Variants in ELF1 observed in about 807,000 individuals in gnomAD.
The protein encoded by ELF1 is ETS-related transcription factor Elf-1.
A neutral mutation model predicts 59.9 loss-of-function variants in ELF1; 24 were observed. The ratio of observed to expected loss-of-function variants is 0.40; its 90% CI spans 0.29 to 0.56. The LOEUF (loss-of-function observed/expected upper bound fraction) is 0.56, where lower values mean the gene tolerates loss of function less well. Ranked by LOEUF, ELF1 falls within the 20% of genes least tolerant of loss-of-function variation. ELF1 has a pLI of 0.44. For synonymous variants in ELF1, 248 were observed against 266.2 expected (o/e 0.93, Z 0.67); for missense variants, 627 against 742.2 (o/e 0.84, Z 1.80).
intron 2 of ELF1, among the ~76,000 whole-genome samples, chr13:40,966,206 T>C (rs904772425): frequency 2.0e-5 from 3 of 152,192 alleles, no homozygotes; most frequent in Admixed American, 6.5e-5. Context: ...GGAACTAAAA[T>C]CTATCAAAGA....
chr13:40,934,416 C>T (rs1391895497), intron 8 of ELF1, among the ~76,000 whole-genome samples: 14 of 102,454 alleles, frequency 1.4e-4, no homozygotes, highest in Admixed American at 4.0e-4. Flanking sequence ...TTCATTCCTG[C>T]TTTTTTTTTT....
intron 8 of ELF1, among the ~76,000 whole-genome samples, chr13:40,938,000 A>G (rs1593347358): frequency 6.6e-6 from 1 of 151,486 alleles, no homozygotes; most frequent in East Asian, 2.0e-4. Flanking sequence ...TATTTTTAGT[A>G]GAGACGGGGT....
At chr13:41,013,005 A>G (rs969254751) in intron 1 of ELF1, among the ~76,000 whole-genome samples, 2 of 152,178 alleles carry the variant, frequency 1.3e-5, no homozygotes, top group African/African-American at 2.4e-5. Context: ...TATGTTTGAA[A>G]TAACTCTAGT....
chr13:40,954,912 G>A (rs1231004536), intron 3 of ELF1, among the ~76,000 whole-genome samples: 6 of 123,562 alleles, frequency 4.9e-5, no homozygotes, highest in African/African-American at 9.1e-5. Context: ...GCGGCCCATC[G>A]TCTGGGATGT....
At chr13:41,044,733 A>C in intron 1 of ELF1, among the ~76,000 whole-genome samples, 1 of 152,174 alleles carries the variant, frequency 6.6e-6, no homozygotes, top group Non-Finnish European at 1.5e-5. Context: ...GATGTTCATC[A>C]GGGATATTGA....
At chr13:41,017,067 C>A (rs1875449235) in intron 1 of ELF1, among the ~76,000 whole-genome samples, 1 of 142,490 alleles carries the variant, frequency 7.0e-6, no homozygotes, top group Non-Finnish European at 1.5e-5. Context: ...CCATCTAAAG[C>A]CATCTTAAAA....
chr13:41,034,756 G>A lies in ELF1; in HGVS notation c.-229+26082C>T, dbSNP rs757411365. ...ATTCAAGAATAATTTATTTTTAAAG[G>A]AATGTCTCAAATTCTACCCCTTAAT... is the stretch of plus-strand genomic sequence containing the variant. On this transcript the variant is annotated intron_variant, in intron 1 of 1. Coordinates refer to the ELF1 transcript ENST00000405737. Among the ~76,000 whole-genome samples the A allele has an allele frequency of 8.1e-4, 113 of 139,536 alleles. 1 individual carries two copies. Among genetic ancestry groups the A allele is most frequent in the Non-Finnish European group, 1.4e-3 (93 of 65,294 alleles). The allele number at this position is 139,536 out of a possible 152,430, so 91.5% of individuals were successfully genotyped here.
chr13:40,998,473 C>T (rs1874238357), intron 1 of ELF1, among the ~76,000 whole-genome samples: 2 of 152,156 alleles, frequency 1.3e-5, no homozygotes, highest in African/African-American at 4.8e-5. Flanking sequence ...TGTGTAGGTA[C>T]ATTCTGTGAT....
At chr13:41,046,111 A>T (rs1450798016) in intron 1 of ELF1, among the ~76,000 whole-genome samples, 1 of 151,866 alleles carries the variant, frequency 6.6e-6, no homozygotes, top group Non-Finnish European at 1.5e-5. Flanking sequence ...TACAACCCCT[A>T]CCTTTTTTTG....
At chr13:41,012,171 G>A (rs1184921519) in intron 1 of ELF1, among the ~76,000 whole-genome samples, 2 of 151,842 alleles carry the variant, frequency 1.3e-5, no homozygotes, top group Non-Finnish European at 2.9e-5. Flanking sequence ...AAATTAGCTA[G>A]GCGCCATGGT....
intron 2 of ELF1, among the ~76,000 whole-genome samples, chr13:40,974,524 G>T (rs1005006552): frequency 3.3e-5 from 5 of 152,126 alleles, no homozygotes; most frequent in African/African-American, 7.2e-5. Flanking sequence ...TAGGATTGTT[G>T]TAAGAATTAA....
In ELF1 at chr13:40,984,626, G is replaced by T. The variant is rs1278712298; in HGVS notation, c.-228-2344C>A. ...CTACAAATATCCTTTATTTAAAAAA[G>T]AATAACTGATATACTTCTGATAAAG... On this transcript the variant is annotated intron_variant, in intron 1 of 8. Transcript: ENST00000239882. 2.0e-5 allele frequency among the ~76,000 whole-genome samples: 3 copies of T among 151,978 alleles called. No homozygotes were observed. The East Asian group carries it at 5.8e-4, about 29-fold the overall frequency.
chr13:40,995,304 CT>C (rs1205822851), intron 1 of ELF1, among the ~76,000 whole-genome samples: 1 of 152,166 alleles, frequency 6.6e-6, no homozygotes, highest in Non-Finnish European at 1.5e-5. Flanking sequence ...CAATTAATGG[CT>C]TCCATCACCT....
intron 1 of ELF1, among the ~76,000 whole-genome samples, chr13:41,052,658 G>C (rs1196259877): frequency 3.3e-5 from 5 of 152,108 alleles, no homozygotes; most frequent in African/African-American, 1.2e-4. Flanking sequence ...AGAGGTTGCA[G>C]TGAGCCATGA....
At chr13:41,010,028 G>T in intron 1 of ELF1, among the ~76,000 whole-genome samples, 1 of 148,116 alleles carries the variant, frequency 6.8e-6, no homozygotes, top group East Asian at 2.0e-4. Flanking sequence ...CTTTAAAGGA[G>T]TCTTTTCTCA....
chr13:41,048,944 C>T (rs1773125332), intron 1 of ELF1, among the ~76,000 whole-genome samples: 1 of 152,120 alleles, frequency 6.6e-6, no homozygotes, highest in South Asian at 2.1e-4. Flanking sequence ...CCTATTATGC[C>T]ACTAAATCTA....
chr13:40,981,587 C>T (rs1593377417), intron 2 of ELF1, among the ~76,000 whole-genome samples: 2 of 152,124 alleles, frequency 1.3e-5, no homozygotes, highest in East Asian at 1.9e-4. Context: ...ATTATGGGAC[C>T]GCTAACGTTG....
At chr13:41,054,889 C>G (rs1877229687) in intron 1 of ELF1, among the ~76,000 whole-genome samples, 1 of 152,184 alleles carries the variant, frequency 6.6e-6, no homozygotes, top group Admixed American at 6.5e-5. Context: ...ATCTCTTTTC[C>G]TAACTAAACT....
intron 1 of ELF1, among the ~76,000 whole-genome samples, chr13:41,033,306 C>T (rs1876244086): frequency 6.6e-6 from 1 of 152,208 alleles, no homozygotes; most frequent in African/African-American, 2.4e-5. Context: ...GTTTTCACAT[C>T]TGTGAAAGGG....
Sources: gnomAD v4.1 joint callset for allele counts (sites outside exome capture counted in the v4.1 genomes callset) on GRCh38, gnomAD v4.1.1 for gene constraint, MANE v1.5 for transcripts, NCBI Gene and HGNC (gene_info 2026-07-23, HGNC 2026-07-21) for gene names.